Variants in SUMF1 observed in about 807,000 individuals in gnomAD.
SUMF1 encodes the protein formylglycine-generating enzyme.
SUMF1 carries 48 observed loss-of-function variants against 47.6 expected under a neutral mutation model. The observed-to-expected ratio is 1.01, with a 90% CI of 0.80 to 1.28. The LOEUF (loss-of-function observed/expected upper bound fraction) is 1.28, where lower values mean the gene tolerates loss of function less well. Among genes scored for constraint, SUMF1 ranks in the 50% most tolerant of loss-of-function variants. The probability of loss-of-function intolerance (pLI) is 0.00; values close to 1 mark genes in which losing one functional copy is unlikely to be tolerated. For synonymous variants in SUMF1, 230 were observed against 192.1 expected, an observed-to-expected ratio of 1.20 and a Z score of -1.63; for missense variants, 571 against 485.4, an observed-to-expected ratio of 1.18 and a Z score of -1.66.
At chr3:4,067,129 C>A (rs1695397413) in intron 9 of SUMF1, among the ~76,000 whole-genome samples, 1 of 152,184 alleles carries the variant, frequency 6.6e-6, no homozygotes, top group African/African-American at 2.4e-5. Flanking sequence ...GCAGCTTCAG[C>A]TTCCAATTCA....
intron 8 of SUMF1, among the ~76,000 whole-genome samples, chr3:4,215,394 G>T (rs2200395): frequency 0.69 from 104,620 of 151,638 alleles, 37,635 homozygotes; most frequent in African/African-American, 0.91. Context: ...GGGATGCATC[G>T]CAAAATAATA....
intron 3 of SUMF1, among the ~76,000 whole-genome samples, chr3:4,434,214 T>C (rs1427677828): frequency 6.6e-6 from 1 of 152,242 alleles, no homozygotes; most frequent in Non-Finnish European, 1.5e-5. Flanking sequence ...TGTATAACAC[T>C]GTTAATGTAC....
intron 8 of SUMF1, among the ~76,000 whole-genome samples, chr3:4,177,940 G>T (rs1695003384): frequency 6.6e-6 from 1 of 152,094 alleles, no homozygotes; most frequent in South Asian, 2.1e-4. Context: ...AGAAAATCTA[G>T]AAGAAATGGA....
chr3:4,277,527 A>C (rs1246051516), intron 8 of SUMF1, among the ~76,000 whole-genome samples: 1 of 152,140 alleles, frequency 6.6e-6, no homozygotes, highest in Non-Finnish European at 1.5e-5. Flanking sequence ...GGAGGAAAAG[A>C]AGCAGGAGAC....
intron 8 of SUMF1, among the ~76,000 whole-genome samples, chr3:4,345,859 A>G (rs1294848671): frequency 6.6e-6 from 1 of 152,172 alleles, no homozygotes; most frequent in African/African-American, 2.4e-5. Flanking sequence ...GCAAATGGAA[A>G]GCAAAAAAAA....
At chr3:4,353,532 G>A (rs188256712) in intron 8 of SUMF1, among the ~76,000 whole-genome samples, 3 of 152,300 alleles carry the variant, frequency 2.0e-5, no homozygotes, top group South Asian at 2.1e-4. Flanking sequence ...GATTACAGGC[G>A]TGAGTCACTG....
chr3:4,212,733 G>C (rs997579742), intron 8 of SUMF1, among the ~76,000 whole-genome samples: 1 of 152,110 alleles, frequency 6.6e-6, no homozygotes, highest in East Asian at 1.9e-4. Context: ...TAATGGAGCT[G>C]AAAAACACAG....
intron 3 of SUMF1, among the ~76,000 whole-genome samples, chr3:4,440,243 C>CA (rs758476250): frequency 0.081 from 2,478 of 30,432 alleles, 62 homozygotes; most frequent in African/African-American, 0.095. Flanking sequence ...GACTCTGTCT[C>CA]AAAAAAAAAA....
At chr3:4,429,184 A>G (rs1342634833) in intron 3 of SUMF1, among the ~76,000 whole-genome samples, 2 of 152,250 alleles carry the variant, frequency 1.3e-5, no homozygotes, top group Non-Finnish European at 2.9e-5. Context: ...GCGTGTCTTT[A>G]TAGCCCTTGC....
intron 8 of SUMF1, among the ~76,000 whole-genome samples, chr3:4,153,371 G>A (rs1022394175): frequency 6.6e-6 from 1 of 151,266 alleles, no homozygotes; most frequent in South Asian, 2.1e-4. Context: ...CCACTATGCC[G>A]AGCTAATTTT....
intron 3 of SUMF1, among the ~76,000 whole-genome samples, chr3:4,423,207 T>A (rs191721876): frequency 1.2e-4 from 18 of 151,992 alleles, no homozygotes; most frequent in Admixed American, 5.9e-4. Flanking sequence ...TATAGCAGCA[T>A]AATTCACAAT....
chr3:4,134,457 A>G (rs943074321), intron 8 of SUMF1, among the ~76,000 whole-genome samples: 1 of 152,174 alleles, frequency 6.6e-6, no homozygotes, highest in Non-Finnish European at 1.5e-5. Context: ...TCTCTGGGAC[A>G]CATTCAAAGC....
intron 8 of SUMF1, among the ~76,000 whole-genome samples, chr3:4,373,770 A>G (rs190448426): frequency 1.1e-4 from 17 of 150,032 alleles, no homozygotes; most frequent in African/African-American, 4.2e-4. Context: ...AGAATAAACT[A>G]GATTCAAAAA....
chr3:4,378,989 C>G (rs1321448689), intron 7 of SUMF1, among the ~76,000 whole-genome samples: 1 of 152,238 alleles, frequency 6.6e-6, no homozygotes, highest in Non-Finnish European at 1.5e-5. Flanking sequence ...ACACTTATCA[C>G]AGTGACGCAA....
chr3:4,048,310 C>T (rs1695043258), intron 9 of SUMF1, among the ~76,000 whole-genome samples: 2 of 152,090 alleles, frequency 1.3e-5, no homozygotes, highest in African/African-American at 4.8e-5. Context: ...CATTTAATAG[C>T]ATATACGGTA....
In SUMF1 at chr3:4,142,122, G is replaced by T. The variant is rs145746270; in HGVS notation, c.1015-73377C>A. ...TTTGGGGGCTACTTTGAAGAATGTG[G>T]TTGTTTCTCTTAATCCTGGGATACT... On this transcript the variant is annotated intron_variant and NMD_transcript_variant, in intron 8 of 12. Transcript: ENST00000448413. Among the ~76,000 whole-genome samples, 356 of 152,192 alleles carry T rather than the reference G, an allele frequency of 2.3e-3. 2 individuals are homozygous for T. Among genetic ancestry groups the T allele is most frequent in the African/African-American group, 7.9e-3 (327 of 41,522 alleles).
intron 8 of SUMF1, among the ~76,000 whole-genome samples, chr3:4,151,556 T>TACACACACACACACAC (rs35911373): frequency 5.2e-4 from 71 of 137,276 alleles, no homozygotes; most frequent in African/African-American, 1.9e-3. Context: ...TGTGTGTATA[T>TACACACACACACACAC]ACACACACAC....
chr3:4,275,775 T>C (rs1358669314), intron 8 of SUMF1, among the ~76,000 whole-genome samples: 1 of 152,176 alleles, frequency 6.6e-6, no homozygotes, highest in Admixed American at 6.5e-5. Flanking sequence ...CAATGTTCTC[T>C]ACATAAGGAC....
At chr3:4,430,192 G>A (rs950502227) in intron 3 of SUMF1, among the ~76,000 whole-genome samples, 12 of 152,264 alleles carry the variant, frequency 7.9e-5, no homozygotes, top group Non-Finnish European at 1.5e-4. Context: ...TAGTAGGTAC[G>A]GAGAATAAAA....
Sources: allele counts gnomAD v4.1 joint callset (sites outside exome capture counted in the v4.1 genomes callset), GRCh38; gene constraint gnomAD v4.1.1; transcripts MANE v1.5; gene names NCBI Gene and HGNC (gene_info 2026-07-23, HGNC 2026-07-21).